Variants in RABGAP1L observed in about 807,000 individuals in gnomAD.
The protein encoded by RABGAP1L is rab GTPase-activating protein 1-like.
A neutral mutation model predicts 137.7 loss-of-function variants in RABGAP1L; 63 were observed. The ratio of observed to expected loss-of-function variants is 0.46; its 90% CI spans 0.37 to 0.56. RABGAP1L has a LOEUF of 0.56. RABGAP1L is among the 20% of genes least tolerant of loss of function. The probability of loss-of-function intolerance (pLI) is 0.00; values close to 1 mark genes in which losing one functional copy is unlikely to be tolerated. For missense variants in RABGAP1L, 1,095 were observed against 1,244.0 expected, an observed-to-expected ratio of 0.88 and a Z score of 1.80; for synonymous variants, 431 against 433.7, an observed-to-expected ratio of 0.99 and a Z score of 0.08.
intron 4 of RABGAP1L, among the ~76,000 whole-genome samples, chr1:174,237,026 G>C (rs1671256833): frequency 1.5e-5 from 2 of 131,126 alleles, no homozygotes; most frequent in South Asian, 2.6e-4. Flanking sequence ...TTATGTAATG[G>C]CCTTCTTTGT....
intron 12 of RABGAP1L, among the ~76,000 whole-genome samples, chr1:174,379,831 A>G (rs1269235928): frequency 1.4e-5 from 1 of 73,616 alleles, no homozygotes; most frequent in Non-Finnish European, 2.6e-5. Context: ...TAAGTTGAAT[A>G]GGAGTGGTGA....
chr1:174,199,358 C>G (rs1667939813), intron 1 of RABGAP1L, among the ~76,000 whole-genome samples: 2 of 151,952 alleles, frequency 1.3e-5, no homozygotes, highest in Non-Finnish European at 2.9e-5. Flanking sequence ...GTGGTGTGGT[C>G]TTGGCTCACT....
chr1:174,427,099 TAAACCTCTATG>T (rs1230204345), intron 13 of RABGAP1L, among the ~76,000 whole-genome samples: 2 of 151,908 alleles, frequency 1.3e-5, no homozygotes, highest in African/African-American at 4.8e-5. Flanking sequence ...CTCTGTGATA[TAAACCTCTATG>T]AAACCTCTGT....
intron 14 of RABGAP1L, among the ~76,000 whole-genome samples, chr1:174,678,498 C>T (rs553496850): frequency 7.2e-5 from 11 of 152,116 alleles, no homozygotes; most frequent in South Asian, 6.2e-4. Flanking sequence ...AAACTTAATA[C>T]GGTAATATAA....
chr1:174,633,465 A>G (rs1673621906), intron 13 of RABGAP1L, among the ~76,000 whole-genome samples: 1 of 151,694 alleles, frequency 6.6e-6, no homozygotes. Flanking sequence ...TGCCCAAGGT[A>G]ATTTATAGAT....
chr1:174,478,463 G>T (rs1444144263), intron 13 of RABGAP1L, among the ~76,000 whole-genome samples: 1 of 151,948 alleles, frequency 6.6e-6, no homozygotes. Flanking sequence ...TTTTTTAAGA[G>T]ATGGTGTCTC....
At chr1:174,832,289 T>A (rs1209241159) in intron 19 of RABGAP1L, among the ~76,000 whole-genome samples, 1 of 141,094 alleles carries the variant, frequency 7.1e-6, no homozygotes, top group Non-Finnish European at 1.5e-5. Flanking sequence ...CAAGACTCTA[T>A]CTCAAAAAAG....
chr1:174,529,420 G>T (rs544866957), intron 13 of RABGAP1L, among the ~76,000 whole-genome samples: 6 of 152,242 alleles, frequency 3.9e-5, no homozygotes, highest in Admixed American at 3.9e-4. Context: ...AACACCAGTG[G>T]TGTCTGTGAT....
At chr1:174,308,867 G>T (rs891480124) in intron 11 of RABGAP1L, among the ~76,000 whole-genome samples, 1 of 151,898 alleles carries the variant, frequency 6.6e-6, no homozygotes, top group African/African-American at 2.4e-5. Flanking sequence ...ATCCTTTGTG[G>T]CTCTATATGA....
intron 20 of RABGAP1L, among the ~76,000 whole-genome samples, chr1:174,965,834 T>C (rs1015188965): frequency 2.0e-5 from 3 of 152,228 alleles, no homozygotes; most frequent in Non-Finnish European, 4.4e-5. Context: ...GCGTGCCCTC[T>C]AGGCTATTTT....
At chr1:174,714,238 G>T (rs1680821638) in intron 17 of RABGAP1L, among the ~76,000 whole-genome samples, 1 of 151,778 alleles carries the variant, frequency 6.6e-6, no homozygotes, top group South Asian at 2.1e-4. Context: ...TACCTTGCTA[G>T]CTACTTCCTC....
chr1:174,694,045 G>A (rs1251031796), intron 15 of RABGAP1L, among the ~76,000 whole-genome samples: 2 of 152,040 alleles, frequency 1.3e-5, no homozygotes, highest in Middle Eastern at 3.4e-3. Flanking sequence ...TTGTAATGAC[G>A]ATTTACATAG....
intron 19 of RABGAP1L, among the ~76,000 whole-genome samples, chr1:174,933,077 CACTT>C (rs1558249098): frequency 6.6e-6 from 1 of 152,150 alleles, no homozygotes; most frequent in Non-Finnish European, 1.5e-5. Context: ...AACACACACA[CACTT>C]ACATACATAC....
chr1:174,922,771 CTCTG>C (rs937856514), intron 19 of RABGAP1L, among the ~76,000 whole-genome samples: 13 of 152,192 alleles, frequency 8.5e-5, no homozygotes, highest in African/African-American at 2.9e-4. Context: ...AAAGTGTGGG[CTCTG>C]TCTTAGTTCA....
In RABGAP1L at chr1:174,416,037, C is replaced by CATATACACATATACAT. The variant is rs1553297986; in HGVS notation, c.1710+21893_1710+21894insTATACACATATACATA. On this transcript the variant is annotated intron_variant, in intron 13 of 25. Coordinates refer to ENST00000681986, the MANE Select transcript of RABGAP1L (RefSeq NM_001366446.1). The stretch of plus-strand genomic sequence containing the variant: ...AAATTTACATATATATATATATATA[C>CATATACACATATACAT]ACACACATTTTTTTTTTCCTGTTTG... 3.2e-5 allele frequency among the ~76,000 whole-genome samples: 4 copies of CATATACACATATACAT among 126,270 alleles called. 1 individual carries two copies. Among genetic ancestry groups the CATATACACATATACAT allele is most frequent in the African/African-American group, 1.5e-4 (4 of 27,262 alleles). 82.8% of individuals were successfully genotyped at this position (126,270 alleles called of 152,430 possible). A position where few individuals can be genotyped will look rare whatever the true frequency, so the allele number is the denominator to read the frequency against.
chr1:174,613,034 G>A (rs1409828475), intron 13 of RABGAP1L, among the ~76,000 whole-genome samples: 1 of 151,280 alleles, frequency 6.6e-6, no homozygotes, highest in Admixed American at 6.6e-5. Context: ...TTTTTTGAAG[G>A]GTTTTTTGTG....
intron 13 of RABGAP1L, 85 bp from the exon 14 acceptor site, chr1:174,637,290 G>A (rs938010898): frequency 1.1e-6 from 1 of 900,222 alleles, no homozygotes; most frequent in Non-Finnish European, 1.7e-6. Flanking sequence ...TTTTCTTGCT[G>A]TTTGAGTTTT....
intron 13 of RABGAP1L, among the ~76,000 whole-genome samples, chr1:174,423,171 G>A (rs1032139100): frequency 1.3e-5 from 2 of 152,022 alleles, no homozygotes; most frequent in Non-Finnish European, 2.9e-5. Flanking sequence ...GGTTACATAA[G>A]TAATGTAGGA....
chr1:174,929,470 C>T (rs1459634786), intron 19 of RABGAP1L, among the ~76,000 whole-genome samples: 1 of 152,094 alleles, frequency 6.6e-6, no homozygotes, highest in Non-Finnish European at 1.5e-5. Context: ...GGGCCAGACA[C>T]AGTGGCTCAT....
Sources: allele counts gnomAD v4.1 joint callset (sites outside exome capture counted in the v4.1 genomes callset), GRCh38; gene constraint gnomAD v4.1.1; transcripts MANE v1.5; gene names NCBI Gene and HGNC (gene_info 2026-07-23, HGNC 2026-07-21).